Variants in ACSS2 observed in about 807,000 individuals in gnomAD.
The protein encoded by ACSS2 is acyl-CoA synthetase short chain family member 2, also known as acetyl-coenzyme A synthetase, cytoplasmic.
ACSS2 carries 58 observed loss-of-function variants against 90.6 expected under a neutral mutation model. The observed-to-expected ratio is 0.64, with a 90% confidence interval of 0.52 to 0.80. The LOEUF (loss-of-function observed/expected upper bound fraction) is 0.80, where lower values mean the gene tolerates loss of function less well. ACSS2 is among the 30% of genes least tolerant of loss of function. The pLI, the probability that ACSS2 is intolerant of heterozygous loss-of-function variation, is 0.00. For synonymous variants in ACSS2, 300 were observed against 330.9 expected (o/e 0.91, Z 1.01); for missense variants, 759 against 912.0 (o/e 0.83, Z 2.16).
chr20:34,921,666 G>T, intron 12 of ACSS2, 66 bp downstream of exon 12: 1 of 1,612,724 alleles, frequency 6.2e-7, no homozygotes, highest in East Asian at 2.2e-5. Context: ...ACTTGGCCTA[G>T]TTAGATAGTG....
intron 15 of ACSS2, 115 bp downstream of exon 15, chr20:34,925,881 T>C: frequency 1.6e-6 from 2 of 1,260,182 alleles, no homozygotes; most frequent in Non-Finnish European, 2.2e-6. Context: ...GTACTAAGTG[T>C]AGCATTCAGT....
intron 2 of ACSS2, among the ~76,000 whole-genome samples, chr20:34,899,470 T>TTGCTTCCTTCCTTC (rs1363808926): frequency 9.3e-6 from 1 of 107,702 alleles, no homozygotes; most frequent in African/African-American, 3.5e-5. Context: ...TTCCTTCCTT[T>TTGCTTCCTTCCTTC]CTTTTTCTTT....
rs2081312999 is a variant in ACSS2, at chr20:34,926,094, C to T, written c.1727-11C>T. ...GGATCTCTCTCATGGCACTTCCTTT[C>T]CCTTGACAAGGACACCTGCTGAGTA... On this transcript the variant is annotated splice_polypyrimidine_tract_variant and intron_variant, in intron 15 of 17. Coordinates refer to ENST00000360596, the MANE Select transcript of ACSS2 (RefSeq NM_018677.4). 1 of 1,613,796 alleles carries T rather than the reference C, an allele frequency of 6.2e-7. No individual in the cohort carries two copies. The highest frequency in any genetic ancestry group is 1.1e-5 in the South Asian group (1 of 91,072).
chr20:34,887,774 C>A (rs2080234303), intron 2 of ACSS2, among the ~76,000 whole-genome samples: 1 of 150,456 alleles, frequency 6.6e-6, no homozygotes. Context: ...AATAGATCTA[C>A]ATAAAAACAG....
At position 34,925,752 on chromosome 20, in the gene ACSS2, T is replaced by C. The variant is rs368193617; in HGVS notation, c.1712T>C (p.Met571Thr). 1 of 1,613,438 alleles carries C rather than the reference T, an allele frequency of 6.2e-7. No individual in the cohort carries two copies. The highest frequency in any genetic ancestry group is 8.5e-7 in the Non-Finnish European group (1 of 1,179,760). Residue 571 changes from methionine (M) to threonine (T), a missense_variant, in exon 15 of 18, where the codon ATG becomes ACG. Met to Thr is a moderately conservative substitution (Grantham distance 81, BLOSUM62 -1). Coordinates refer to ENST00000360596, the MANE Select transcript of ACSS2 (RefSeq NM_018677.4). ...YYWITGRIDD[M>T]LNVSGHLLST... Reference sequence around the variant, plus strand: ...TGGATCACTGGCAGGATTGATGACATGCTCAATGTATCTGGTGAGGGCCAG... The same window carrying C: ...TGGATCACTGGCAGGATTGATGACACGCTCAATGTATCTGGTGAGGGCCAG...
rs746111837 is a variant in ACSS2, at chr20:34,876,740, C to T, written c.95C>T (p.Pro32Leu). 16 of 1,437,370 alleles carry T rather than the reference C, an allele frequency of 1.1e-5. No homozygotes were observed. In the African/African-American group the frequency reaches 2.2e-4, roughly 20 times the overall value. The allele number at this position is 1,437,370 out of a possible 1,614,324, so 89.0% of individuals were successfully genotyped here. A position where few individuals can be genotyped will look rare whatever the true frequency, so the allele number is the denominator to read the frequency against. ...AGGRARSWSP[P>L]PEVSRSAHVP... is the part of the protein sequence containing the mutation. ...GGCCGGGCGCGGAGTTGGTCTCCGCCGCCCGAGGTCAGCCGCTCCGCGCAC... is the reference window on the plus strand; with the variant it reads ...GGCCGGGCGCGGAGTTGGTCTCCGCTGCCCGAGGTCAGCCGCTCCGCGCAC... The change falls in exon 1 of 18, where the codon CCG becomes CTG. Residue 32 changes from proline to leucine, a missense_variant. Pro to Leu is a moderately conservative substitution (Grantham distance 98). Coordinates refer to ENST00000360596, the MANE Select transcript of ACSS2 (RefSeq NM_018677.4).
Position 34,914,427 on chromosome 20 carries a change from CA to C in ACSS2, c.825del (p.Asp276MetfsTer62), listed in dbSNP as rs779907470. The C allele has an allele frequency of 1.2e-6, 2 of 1,612,636 alleles. No individual in the cohort carries two copies. The highest frequency in any genetic ancestry group is 1.7e-6 in the Non-Finnish European group (2 of 1,179,324). On this transcript the variant is annotated frameshift_variant, in exon 7 of 18. Coordinates refer to ENST00000360596, the MANE Select transcript of ACSS2 (RefSeq NM_018677.4). LOFTEE classifies it high-confidence loss of function. ...TCCCCCCCAATTAAGAGGTCATGCC[CA>C]GATGTGCAGGTGAGTCTGGCACTGC... ...SQSPPIKRSC[P>X]DVQISWNQGI...
intron 2 of ACSS2, among the ~76,000 whole-genome samples, chr20:34,894,541 T>C (rs1284996549): frequency 6.6e-6 from 1 of 152,016 alleles, no homozygotes; most frequent in Non-Finnish European, 1.5e-5. Flanking sequence ...CATGCATGCC[T>C]GTGGTCCCAG....
At chr20:34,908,160 G>A (rs2080855097) in intron 2 of ACSS2, among the ~76,000 whole-genome samples, 1 of 152,208 alleles carries the variant, frequency 6.6e-6, no homozygotes, top group African/African-American at 2.4e-5. Flanking sequence ...TGGTGCTGGT[G>A]TCTGAAGGAG....
upstream of ACSS2, chr20:34,875,222 T>G: frequency 2.0e-6 from 1 of 506,736 alleles, no homozygotes. Context: ...GCCCAGGTTG[T>G]GGTGGTGGTG....
chr20:34,910,228 A>T (rs945941309), intron 2 of ACSS2, among the ~76,000 whole-genome samples: 2 of 152,192 alleles, frequency 1.3e-5, no homozygotes, highest in Admixed American at 1.3e-4. Context: ...GATCATAATG[A>T]TACAGACTTC....
In ACSS2 at chr20:34,911,197, T is replaced by TTC. The variant is rs1447138050; in HGVS notation, c.375-1898_375-1897insCT. Among the ~76,000 whole-genome samples, 78 of 151,024 alleles carry TTC rather than the reference T, an allele frequency of 5.2e-4. 2 individuals carry two copies. Among genetic ancestry groups the TTC allele is most frequent in the Non-Finnish European group, 3.0e-5 (2 of 67,664 alleles). On this transcript the variant is annotated intron_variant, in intron 2 of 17. Coordinates refer to ENST00000360596, the MANE Select transcript of ACSS2 (RefSeq NM_018677.4). ...CACACTCAGCTAAAATTTTTTTTTTTTTTTTTTGAGACAGAGTTTCATTCT... is the reference window on the plus strand; with the variant it reads ...CACACTCAGCTAAAATTTTTTTTTTTTCTTTTTTTGAGACAGAGTTTCATTCT...
intron 2 of ACSS2, among the ~76,000 whole-genome samples, chr20:34,885,433 G>A (rs756219726): frequency 3.9e-5 from 6 of 152,114 alleles, no homozygotes; most frequent in Non-Finnish European, 7.4e-5. Flanking sequence ...AACAGGCTCT[G>A]GAGAGCCTCT....
chr20:34,891,806 AG>A (rs2080342962), intron 2 of ACSS2, among the ~76,000 whole-genome samples: 1 of 152,154 alleles, frequency 6.6e-6, no homozygotes, highest in East Asian at 1.9e-4. Flanking sequence ...ACCTCCCTAA[AG>A]TGGTGAAAAT....
At chr20:34,887,899 C>T (rs1453477371) in intron 2 of ACSS2, among the ~76,000 whole-genome samples, 1 of 151,220 alleles carries the variant, frequency 6.6e-6, no homozygotes, top group Non-Finnish European at 1.5e-5. Context: ...GACGAAACCC[C>T]ATCTCTACTA....
rs1395956809 is a variant in ACSS2, at chr20:34,921,288, G to A, written c.1278-42G>A. 8.1e-6 allele frequency: 13 copies of A among 1,612,466 alleles called. No homozygotes were observed. The South Asian group carries it at 9.9e-5, about 12-fold the overall frequency. On this transcript the variant is annotated intron_variant, in intron 10 of 17. Coordinates refer to ENST00000360596, the MANE Select transcript of ACSS2 (RefSeq NM_018677.4). ...AAAGCCTGGGTATGTGTGTCTTCCA[G>A]TAGTACTCAGAGCCTTCCTCTCTCC...
chr20:34,876,642 C>A lies in ACSS2; in HGVS notation c.-4C>A, dbSNP rs1341992575. The stretch of plus-strand genomic sequence containing the variant: ...GGCGGCCGCGGTTCTAGGAACTTGA[C>A]GTGATGGGGCTTCCTGAGGAGCGGG... On this transcript the variant is annotated 5_prime_UTR_variant, in exon 1 of 18. Coordinates refer to ENST00000360596, the MANE Select transcript of ACSS2 (RefSeq NM_018677.4). 7.3e-7 allele frequency: 1 copy of A among 1,363,670 alleles called. No individual in the cohort carries two copies. The highest frequency in any genetic ancestry group is 9.5e-7 in the Non-Finnish European group (1 of 1,051,398). The allele number at this position is 1,363,670 out of a possible 1,614,324, so 84.5% of individuals were successfully genotyped here.
At chr20:34,879,496 GACACACACACAC>G (rs11467604) in intron 1 of ACSS2, among the ~76,000 whole-genome samples, 249 of 147,892 alleles carry the variant, frequency 1.7e-3, no homozygotes, top group Non-Finnish European at 2.8e-3. Flanking sequence ...TCCAGATTCT[GACACACACACAC>G]ACACACACAC....
In ACSS2 at chr20:34,913,373, T is replaced by C; in HGVS notation, c.467-20T>C. 1 of 1,611,774 alleles carries C rather than the reference T, an allele frequency of 6.2e-7. No homozygotes were observed. The highest frequency in any genetic ancestry group is 8.5e-7 in the Non-Finnish European group (1 of 1,178,220). ...CAGCAAGAAGGGTTCATGGTTCATA[T>C]TCTGTGCTTTTACCTGCAGGCATTC... On this transcript the variant is annotated intron_variant, in intron 3 of 17. Coordinates refer to ENST00000360596, the MANE Select transcript of ACSS2 (RefSeq NM_018677.4).
Sources: allele counts gnomAD v4.1 joint callset (sites outside exome capture counted in the v4.1 genomes callset), GRCh38; gene constraint gnomAD v4.1.1; transcripts MANE v1.5; gene names NCBI Gene and HGNC (gene_info 2026-07-23, HGNC 2026-07-21).